RORB: variants seen among roughly 807,000 people sequenced by gnomAD.
RORB encodes nuclear receptor ROR-beta.
A neutral mutation model predicts 59.1 loss-of-function variants in RORB; 6 were observed. That is an observed-to-expected ratio of 0.10 (90% CI 0.06 to 0.20). The LOEUF is 0.20. Ranked by LOEUF, RORB falls within the 10% of genes least tolerant of loss-of-function variation. The probability of loss-of-function intolerance (pLI) is 1.00; values close to 1 mark genes in which losing one functional copy is unlikely to be tolerated. For missense variants in RORB, 320 were observed against 560.5 expected, an observed-to-expected ratio of 0.57 and a Z score of 4.33; for synonymous variants, 215 against 204.5, an observed-to-expected ratio of 1.05 and a Z score of -0.44.
chr9:74,572,441 A>G (rs1563940943), intron 1 of RORB, among the ~76,000 whole-genome samples: 1 of 152,290 alleles, frequency 6.6e-6, no homozygotes, highest in East Asian at 1.9e-4. Context: ...ACTGCATGCA[A>G]GCTATTTTTG....
chr9:74,602,607 T>G (rs1043458972), intron 1 of RORB, among the ~76,000 whole-genome samples: 17 of 152,222 alleles, frequency 1.1e-4, no homozygotes, highest in Non-Finnish European at 2.2e-4. Flanking sequence ...GCTATTTTGT[T>G]GGAACTGAGC....
intron 1 of RORB, among the ~76,000 whole-genome samples, chr9:74,591,078 A>G (rs1233742496): frequency 6.6e-6 from 1 of 152,224 alleles, no homozygotes; most frequent in Non-Finnish European, 1.5e-5. Flanking sequence ...TACAGGCGTG[A>G]GCCACCGTGT....
intron 1 of RORB, among the ~76,000 whole-genome samples, chr9:74,533,183 C>T (rs527449564): frequency 1.8e-3 from 278 of 151,978 alleles, no homozygotes; most frequent in Middle Eastern, 6.8e-3. Context: ...CTTTCTAATT[C>T]GTTTTATAGA....
chr9:74,619,293 T>C (rs1003031155), intron 1 of RORB, among the ~76,000 whole-genome samples: 3 of 152,220 alleles, frequency 2.0e-5, no homozygotes, highest in African/African-American at 7.2e-5. Context: ...CCAGTTCATA[T>C]TAACATCGTC....
chr9:74,669,891 T>A (rs546222648), intron 8 of RORB, among the ~76,000 whole-genome samples: 2 of 152,326 alleles, frequency 1.3e-5, no homozygotes, highest in South Asian at 4.1e-4. Context: ...TGTCTACAGT[T>A]TTTATGTTAG....
intron 2 of RORB, among the ~76,000 whole-genome samples, chr9:74,632,271 A>G (rs976483121): frequency 2.0e-5 from 3 of 152,208 alleles, no homozygotes; most frequent in African/African-American, 7.2e-5. Context: ...CAAAGAAATT[A>G]TGCTGTTATT....
Position 74,497,715 on chromosome 9 carries a change from T to C in RORB, c.-262T>C, listed in dbSNP as rs1280923622. On this transcript the variant is annotated 5_prime_UTR_variant, in exon 1 of 10. Transcript: ENST00000376896. ...CAGGCACCAGACAGCCAGAACATTT[T>C]TTTTTCACCCTTCCTGAAAACAAAC... The C allele has an allele frequency of 7.9e-6, 4 of 504,616 alleles. No homozygotes were observed. In the East Asian group the frequency reaches 1.2e-4, roughly 15 times the overall value. The allele number at this position is 504,616 out of a possible 1,614,324, so 31.3% of individuals were successfully genotyped here. A position where few individuals can be genotyped will look rare whatever the true frequency, so the allele number is the denominator to read the frequency against.
chr9:74,578,854 C>A (rs1398627822), intron 1 of RORB, among the ~76,000 whole-genome samples: 1 of 152,070 alleles, frequency 6.6e-6, no homozygotes, highest in Admixed American at 6.6e-5. Flanking sequence ...GTTCTGATTG[C>A]CAGTCAGGTA....
At chr9:74,672,604 A>C (rs1824367326) in intron 9 of RORB, among the ~76,000 whole-genome samples, 1 of 152,208 alleles carries the variant, frequency 6.6e-6, no homozygotes, top group Non-Finnish European at 1.5e-5. Flanking sequence ...ATCTTTAATA[A>C]GAGTACTGAA....
chr9:74,617,407 T>C (rs990228348), intron 1 of RORB, among the ~76,000 whole-genome samples: 2 of 152,208 alleles, frequency 1.3e-5, no homozygotes, highest in African/African-American at 4.8e-5. Flanking sequence ...AGTGATGTTG[T>C]CTCTGGGAAT....
At chr9:74,529,295 C>G (rs752947798) in intron 1 of RORB, among the ~76,000 whole-genome samples, 13 of 150,524 alleles carry the variant, frequency 8.6e-5, no homozygotes, top group Non-Finnish European at 1.6e-4. Flanking sequence ...CAAGACTGAA[C>G]AGAAGAATGA....
chr9:74,649,719 A>G (rs935360497), intron 4 of RORB, among the ~76,000 whole-genome samples: 1 of 152,228 alleles, frequency 6.6e-6, no homozygotes, highest in Non-Finnish European at 1.5e-5. Context: ...TATATGATTT[A>G]CATCACAAAC....
chr9:74,602,634 G>A (rs1182000384), intron 1 of RORB, among the ~76,000 whole-genome samples: 2 of 152,174 alleles, frequency 1.3e-5, no homozygotes, highest in Non-Finnish European at 2.9e-5. Flanking sequence ...CACAGAGGGG[G>A]AGACAGTTAA....
At chr9:74,618,442 A>G (rs1396519097) in intron 1 of RORB, among the ~76,000 whole-genome samples, 1 of 152,094 alleles carries the variant, frequency 6.6e-6, no homozygotes, top group African/African-American at 2.4e-5. Flanking sequence ...TGTCACTTTT[A>G]TTTTACCAGG....
intron 3 of RORB, among the ~76,000 whole-genome samples, chr9:74,635,392 C>T (rs1189362734): frequency 6.6e-6 from 1 of 152,132 alleles, no homozygotes; most frequent in Non-Finnish European, 1.5e-5. Context: ...TGACGCCCAC[C>T]CATGCTGAAT....
At chr9:74,517,372 G>A (rs566246300) in intron 1 of RORB, among the ~76,000 whole-genome samples, 1 of 151,978 alleles carries the variant, frequency 6.6e-6, no homozygotes, top group South Asian at 2.1e-4. Flanking sequence ...CACTATACTC[G>A]GTCCAACATC....
intron 1 of RORB, among the ~76,000 whole-genome samples, chr9:74,557,764 C>T (rs959798794): frequency 5.9e-5 from 9 of 152,028 alleles, no homozygotes; most frequent in African/African-American, 2.2e-4. Flanking sequence ...ATTAGGGCCT[C>T]AGCACACAAA....
intron 1 of RORB, among the ~76,000 whole-genome samples, chr9:74,623,403 T>C (rs1263266643): frequency 2.0e-5 from 3 of 152,128 alleles, no homozygotes; most frequent in African/African-American, 7.2e-5. Flanking sequence ...TGTTCTCTTT[T>C]TTCTGCCTTG....
intron 1 of RORB, among the ~76,000 whole-genome samples, chr9:74,617,785 G>C (rs1311512789): frequency 6.6e-6 from 1 of 152,114 alleles, no homozygotes; most frequent in Non-Finnish European, 1.5e-5. Flanking sequence ...TTCTGGTGTG[G>C]TGTGCAAATG....
Sources: gnomAD v4.1 joint callset for allele counts (sites outside exome capture counted in the v4.1 genomes callset) on GRCh38, gnomAD v4.1.1 for gene constraint, MANE v1.5 for transcripts, NCBI Gene and HGNC (gene_info 2026-07-23, HGNC 2026-07-21) for gene names.